PGM2: variants seen among roughly 807,000 people sequenced by gnomAD.
The protein encoded by PGM2 is phosphopentomutase.
In PGM2, 57 loss-of-function variants were observed where a neutral mutation model predicts 74.6. The observed-to-expected ratio is 0.76, with a 90% CI of 0.62 to 0.95. The LOEUF is 0.95. Among genes scored for constraint, PGM2 ranks in the 40% least tolerant of loss-of-function variants. PGM2 has a pLI of 0.00. For missense variants in PGM2, 706 were observed against 741.9 expected (o/e 0.95, Z 0.56); for synonymous variants, 273 against 260.7 (o/e 1.05, Z -0.46).
At chr4:37,857,748 C>G (rs951596393) in intron 13 of PGM2, among the ~76,000 whole-genome samples, 1 of 152,188 alleles carries the variant, frequency 6.6e-6, no homozygotes, top group South Asian at 2.1e-4. Context: ...AGTGCAAAAA[C>G]TCAACTATTA....
At chr4:37,846,190 G>T (rs1447221701) in intron 8 of PGM2, among the ~76,000 whole-genome samples, 1 of 152,134 alleles carries the variant, frequency 6.6e-6, no homozygotes, top group African/African-American at 2.4e-5. Context: ...TTTAAGACAA[G>T]TCTGACCAGA....
chr4:37,855,510 G>T, intron 12 of PGM2, 98 bp from the exon 13 acceptor site: 1 of 1,065,384 alleles, frequency 9.4e-7, no homozygotes, highest in Non-Finnish European at 1.3e-6. Flanking sequence ...CTAACCAATA[G>T]ATTTGTTTGG....
Position 37,840,069 on chromosome 4 carries a change from T to TC in PGM2, c.529_530insC (p.Tyr177SerfsTer4). 6.2e-7 allele frequency: 1 copy of TC among 1,612,812 alleles called. No individual in the cohort carries two copies. Among genetic ancestry groups the TC allele is most frequent in the South Asian group, 1.1e-5 (1 of 91,068 alleles). ...AATGTGTTCCTGGGTCCTCTAGGTC[T>TC]ATTGGGATAATGGAGCTCAGATCAT... On this transcript the variant is annotated frameshift_variant, in exon 6 of 14. Coordinates refer to ENST00000381967, the MANE Select transcript of PGM2 (RefSeq NM_018290.4). LOFTEE classifies it high-confidence loss of function.
intron 1 of PGM2, among the ~76,000 whole-genome samples, chr4:37,828,618 A>C (rs1725358006): frequency 6.6e-6 from 1 of 151,954 alleles, no homozygotes; most frequent in Non-Finnish European, 1.5e-5. Flanking sequence ...TGTACTCTTG[A>C]CTTGTCATTC....
chr4:37,833,633 A>G lies in PGM2; in HGVS notation c.250-985A>G, dbSNP rs116308534. Among the ~76,000 whole-genome samples the G allele has an allele frequency of 8.1e-3, 1,238 of 152,354 alleles. 18 individuals carry two copies. Among genetic ancestry groups the G allele is most frequent in the African/African-American group, 0.028 (1,161 of 41,584 alleles). On this transcript the variant is annotated intron_variant, in intron 2 of 13. Coordinates refer to ENST00000381967, the MANE Select transcript of PGM2 (RefSeq NM_018290.4). ...TGAAATAAATAATATAAAATGAATC[A>G]TTATTTTTGCCCAATCAACCAGAGT... is the stretch of plus-strand genomic sequence containing the variant.
intron 13 of PGM2, among the ~76,000 whole-genome samples, chr4:37,856,257 C>T (rs5019415): frequency 1 from 150,971 of 151,082 alleles, 75,430 homozygotes; most frequent in Middle Eastern, 1. Context: ...TGGTGGCGGG[C>T]GCCTGTAGTC....
At chr4:37,842,251 C>T (rs2608303) in intron 6 of PGM2, among the ~76,000 whole-genome samples, 120,421 of 149,822 alleles carry the variant, frequency 0.8, 48,625 homozygotes, top group African/African-American at 0.88. Flanking sequence ...TTGGAATTTT[C>T]TATTGAAACT....
rs1243138968 is a variant in PGM2, at chr4:37,837,749, T to C, written c.441+136T>C. The stretch of plus-strand genomic sequence containing the variant: ...AGTTCCTTGGCATGTATGAGACATT[T>C]CCTTCTCTCCTGGAATGTTTCTCCC... On this transcript the variant is annotated intron_variant, in intron 4 of 13. Transcript: ENST00000381967. 4.5e-6 allele frequency: 3 copies of C among 668,272 alleles called. No homozygotes were observed. In the African/African-American group the frequency reaches 5.4e-5, roughly 12 times the overall value. 41.4% of individuals were successfully genotyped at this position (668,272 alleles called of 1,614,324 possible). A position where few individuals can be genotyped will look rare whatever the true frequency, so the allele number is the denominator to read the frequency against.
chr4:37,835,557 T>A (rs1361503002), intron 3 of PGM2, among the ~76,000 whole-genome samples: 1 of 152,208 alleles, frequency 6.6e-6, no homozygotes, highest in African/African-American at 2.4e-5. Context: ...ACTTCCTCTG[T>A]TATGATGAAT....
chr4:37,847,365 A>G (rs1444494381), intron 10 of PGM2, 70 bp downstream of exon 10: 25 of 1,143,802 alleles, frequency 2.2e-5, no homozygotes, highest in South Asian at 5.1e-5. Context: ...TTGGGATTCA[A>G]AGATCCACAG....
rs555385375 is a variant in PGM2, at chr4:37,845,821, G to A, written c.1007+91G>A. On this transcript the variant is annotated intron_variant, in intron 8 of 13. Coordinates refer to ENST00000381967, the MANE Select transcript of PGM2 (RefSeq NM_018290.4). ...GTTTCTGGGGAGACGGGACCTATTT[G>A]GAAACATTTCCCATTTATTTTGCAA... The A allele has an allele frequency of 2.0e-3, 1,674 of 833,778 alleles. 4 individuals are homozygous for A. Among genetic ancestry groups the A allele is most frequent in the Non-Finnish European group, 2.6e-3 (1,258 of 493,124 alleles). 51.6% of individuals were successfully genotyped at this position (833,778 alleles called of 1,614,324 possible). A position where few individuals can be genotyped will look rare whatever the true frequency, so the allele number is the denominator to read the frequency against.
At position 37,847,979 on chromosome 4, in the gene PGM2, C is replaced by G. The variant is rs1432428394; in HGVS notation, c.1283-543C>G. Among the ~76,000 whole-genome samples the G allele has an allele frequency of 2.0e-5, 3 of 152,196 alleles. No individual in the cohort carries two copies. The East Asian group carries it at 5.8e-4, about 29-fold the overall frequency. On this transcript the variant is annotated intron_variant, in intron 10 of 13. Coordinates refer to ENST00000381967, the MANE Select transcript of PGM2 (RefSeq NM_018290.4). ...AAAGCATAATCGCTCAGGTTCTGCT[C>G]TTTTATTGTCAGATTTGGCAGACTT...
chr4:37,848,706 T>C (rs1052846267), intron 11 of PGM2, 55 bp downstream of exon 11: 2 of 1,303,106 alleles, frequency 1.5e-6, no homozygotes, highest in South Asian at 1.2e-5. Flanking sequence ...TGTTCTATTA[T>C]ATACTTATGC....
chr4:37,850,858 G>T (rs1327244091), intron 12 of PGM2, among the ~76,000 whole-genome samples: 1 of 151,996 alleles, frequency 6.6e-6, no homozygotes, highest in Non-Finnish European at 1.5e-5. Context: ...AGGTGTGGTG[G>T]CTCATACCTA....
intron 1 of PGM2, among the ~76,000 whole-genome samples, chr4:37,829,464 A>G (rs533814739): frequency 1.1e-4 from 17 of 152,230 alleles, no homozygotes; most frequent in South Asian, 6.2e-4. Flanking sequence ...TGTGTAATCT[A>G]TCACTCTGGA....
chr4:37,840,982 A>T (rs28384356), intron 6 of PGM2, among the ~76,000 whole-genome samples: 2 of 141,710 alleles, frequency 1.4e-5, no homozygotes, highest in African/African-American at 5.1e-5. Context: ...ATATATATAT[A>T]TGTATGTTTT....
At chr4:37,841,243 T>TTAG (rs1404736094) in intron 6 of PGM2, among the ~76,000 whole-genome samples, 5 of 150,576 alleles carry the variant, frequency 3.3e-5, no homozygotes, top group Admixed American at 1.3e-4. Context: ...CCTTCCTGTG[T>TTAG]TAGTCCCTAT....
rs1165013143 is a variant in PGM2, at chr4:37,848,524, T to C, written c.1285T>C (p.Tyr429His). The change falls in exon 11 of 14, where the codon TAC (tyrosine) becomes CAC (histidine). Residue 429 changes from tyrosine (Y) to histidine (H), a missense_variant and splice_region_variant. This residue lies in a region of PGM2 where 359 missense variants were observed against 371.1 expected (regional missense o/e 0.97). Transcript: ENST00000381967. ...ATGTATGACGTGTGTTTCTGCAGGA[T>C]ACATGTGCTGCCCTTTTGTTCTGGA... ...VLFAFEEAIG[Y>H]MCCPFVLDKD... The C allele has an allele frequency of 1.2e-6, 2 of 1,613,148 alleles. No individual in the cohort carries two copies. Among genetic ancestry groups the C allele is most frequent in the Non-Finnish European group, 1.7e-6 (2 of 1,179,348 alleles).
At position 37,850,275 on chromosome 4, in the gene PGM2, G is replaced by A; in HGVS notation, c.1504G>A (p.Gly502Arg). 1 of 1,587,792 alleles carries A rather than the reference G, an allele frequency of 6.3e-7. No homozygotes were observed. The highest frequency in any genetic ancestry group is 8.5e-7 in the Non-Finnish European group (1 of 1,171,084). Residue 502 changes from glycine to arginine, a missense_variant, in exon 12 of 14, where the codon GGA becomes AGA. Around this residue, in one of 3 missense-constraint regions of PGM2, gnomAD observed 359 missense variants for 371.1 expected, o/e 0.97. Transcript: ENST00000381967. ...ATTTGAAAACCTCAGAAACTACGAT[G>A]GAAAAAATAATTATCCAAAAGCTTG... ...KLFENLRNYD[G>R]KNNYPKACGK...
Sources: gnomAD v4.1 joint callset for allele counts (sites outside exome capture counted in the v4.1 genomes callset) on GRCh38, gnomAD v4.1.1 for gene constraint, gnomAD v4.1.1 regional missense constraint, MANE v1.5 for transcripts, NCBI Gene and HGNC (gene_info 2026-07-23, HGNC 2026-07-21) for gene names.